Variants in NAV2 observed in about 807,000 individuals in gnomAD.
The protein encoded by NAV2 is helicase, APC down-regulated 1.
NAV2 carries 54 observed loss-of-function variants against 223.2 expected under a neutral mutation model. The ratio of observed to expected loss-of-function variants is 0.24; its 90% CI spans 0.19 to 0.30. NAV2 has a LOEUF of 0.30. NAV2 is among the 10% of genes least tolerant of loss of function. The pLI is 1.00. For missense variants in NAV2, 2,806 were observed against 3,147.5 expected (o/e 0.89, Z 2.60); for synonymous variants, 1,279 against 1,239.3 (o/e 1.03, Z -0.67).
intron 12 of NAV2, among the ~76,000 whole-genome samples, chr11:20,038,798 G>C (rs985981184): frequency 6.6e-6 from 1 of 152,182 alleles, no homozygotes; most frequent in Admixed American, 6.5e-5. Flanking sequence ...AGGACAGGTT[G>C]CCTGCCTAGG....
Position 20,118,300 on chromosome 11 carries a change from A to C in NAV2, c.*42A>C, listed in dbSNP as rs751484035. 9.3e-6 allele frequency: 15 copies of C among 1,606,164 alleles called. No homozygotes were observed. Among genetic ancestry groups the C allele is most frequent in the Non-Finnish European group, 1.7e-6 (2 of 1,176,814 alleles). On this transcript the variant is annotated 3_prime_UTR_variant, in exon 38 of 38. Coordinates refer to ENST00000349880, the MANE Select transcript of NAV2 (RefSeq NM_145117.5). ...AGCGCCCTCCTCTTCTCCTCACCGC[A>C]TTCCACCTGCATCCCCCACATCACC...
chr11:19,844,981 C>A (rs2060710974), intron 3 of NAV2, among the ~76,000 whole-genome samples: 1 of 152,138 alleles, frequency 6.6e-6, no homozygotes, highest in Non-Finnish European at 1.5e-5. Context: ...GTGAAAACTT[C>A]TGCCACAGTC....
chr11:19,945,971 C>A (rs1266921163), intron 8 of NAV2, among the ~76,000 whole-genome samples: 5 of 152,244 alleles, frequency 3.3e-5, no homozygotes, highest in Non-Finnish European at 7.3e-5. Context: ...CTACTGCAAG[C>A]TATGCTTGCA....
Position 19,637,239 on chromosome 11 carries a change from G to A in NAV2, c.76-195245G>A, listed in dbSNP as rs114687327. Among the ~76,000 whole-genome samples, 1,347 of 152,190 alleles carry A rather than the reference G, an allele frequency of 8.9e-3. 22 individuals carry two copies. The highest frequency in any genetic ancestry group is 0.03 in the African/African-American group (1,254 of 41,496). ...TGGCTGGTTTCTGTGACTAATACCT[G>A]GCCCATTGAGTTGAGATTTGGCCTC... On this transcript the variant is annotated intron_variant, in intron 1 of 37. Coordinates refer to the NAV2 transcript ENST00000360655.
At chr11:19,765,358 G>A (rs562345751) in intron 1 of NAV2, among the ~76,000 whole-genome samples, 1 of 142,674 alleles carries the variant, frequency 7.0e-6, no homozygotes, top group African/African-American at 2.7e-5. Context: ...TCCTCATCCT[G>A]TCCTCCTCAT....
chr11:19,577,477 C>T (rs1032937834), intron 1 of NAV2, among the ~76,000 whole-genome samples: 2 of 152,236 alleles, frequency 1.3e-5, no homozygotes, highest in South Asian at 2.1e-4. Flanking sequence ...TGGGCCCTGA[C>T]CCCGGCTCCT....
At chr11:19,715,240 T>C (rs982093925) in intron 1 of NAV2, among the ~76,000 whole-genome samples, 2 of 152,188 alleles carry the variant, frequency 1.3e-5, no homozygotes, top group Non-Finnish European at 2.9e-5. Context: ...GCTGCTGCAC[T>C]TGCTAAACAT....
chr11:19,921,719 T>C (rs1208182231), intron 6 of NAV2, among the ~76,000 whole-genome samples: 1 of 152,134 alleles, frequency 6.6e-6, no homozygotes, highest in African/African-American at 2.4e-5. Context: ...CTCTAATCTG[T>C]TCGATCTTGG....
intron 14 of NAV2, among the ~76,000 whole-genome samples, chr11:20,047,671 A>G (rs753735822): frequency 4.6e-5 from 7 of 152,214 alleles, no homozygotes; most frequent in Non-Finnish European, 8.8e-5. Flanking sequence ...ACCAGGCACA[A>G]AGTGTTTCCT....
chr11:19,427,852 T>C (rs1019827177), intron 1 of NAV2, among the ~76,000 whole-genome samples: 1 of 152,208 alleles, frequency 6.6e-6, no homozygotes, highest in African/African-American at 2.4e-5. Context: ...TGTTTCTTAT[T>C]GGGTTGTTGA....
intron 26 of NAV2, among the ~76,000 whole-genome samples, chr11:20,090,619 TAATC>T (rs2060775249): frequency 2.0e-5 from 3 of 152,058 alleles, no homozygotes; most frequent in Non-Finnish European, 4.4e-5. Flanking sequence ...CAGTAAATAA[TAATC>T]TAACTATATT....
At chr11:19,605,094 T>C (rs1164289595) in intron 1 of NAV2, among the ~76,000 whole-genome samples, 2 of 152,216 alleles carry the variant, frequency 1.3e-5, no homozygotes, top group African/African-American at 4.8e-5. Context: ...AGTTGGTGAA[T>C]TGCAGAGCTA....
intron 1 of NAV2, among the ~76,000 whole-genome samples, chr11:19,462,842 G>A (rs544642191): frequency 3.3e-5 from 5 of 152,308 alleles, no homozygotes; most frequent in East Asian, 3.9e-4. Context: ...GCGTGCTAGG[G>A]TTCAGAAAGA....
rs75016638 is a variant in NAV2 at position 19,892,347 on chromosome 11, G to C, written c.771-87G>C. 4.8e-4 allele frequency: 622 copies of C among 1,302,136 alleles called. 3 individuals are homozygous for C. The African/African-American group carries it at 8.2e-3, about 17-fold the overall frequency. The allele number at this position is 1,302,136 out of a possible 1,614,324, so 80.7% of individuals were successfully genotyped here. ...CACAATGTCTTGGATAGTTTCTTTT[G>C]CCTCCTGCATGGTTGCAGTTCCTTC... is the stretch of plus-strand genomic sequence containing the variant. On this transcript the variant is annotated intron_variant, in intron 5 of 37. Transcript: ENST00000349880.
intron 1 of NAV2, among the ~76,000 whole-genome samples, chr11:19,366,256 G>A (rs1848275590): frequency 2.0e-5 from 3 of 152,190 alleles, no homozygotes; most frequent in African/African-American, 7.2e-5. Context: ...AGAGCCCCAT[G>A]CTAGCCAGAG....
chr11:19,680,532 G>C (rs2048854151), intron 1 of NAV2, among the ~76,000 whole-genome samples: 1 of 152,200 alleles, frequency 6.6e-6, no homozygotes, highest in South Asian at 2.1e-4. Flanking sequence ...ACACAGGAGG[G>C]ATGCGGAACC....
chr11:19,959,644 G>T (rs7933871), intron 10 of NAV2, among the ~76,000 whole-genome samples: 3 of 151,956 alleles, frequency 2.0e-5, no homozygotes, highest in South Asian at 4.2e-4. Flanking sequence ...CAAATTCAGC[G>T]CATCGTGCAG....
At chr11:19,638,776 C>T (rs182147593) in intron 1 of NAV2, among the ~76,000 whole-genome samples, 3 of 152,098 alleles carry the variant, frequency 2.0e-5, no homozygotes, top group Non-Finnish European at 2.9e-5. Context: ...AGGCAGATCA[C>T]GAGGTCAGGA....
intron 3 of NAV2, among the ~76,000 whole-genome samples, chr11:19,845,034 TA>T (rs1203849961): frequency 6.6e-6 from 1 of 152,086 alleles, no homozygotes; most frequent in Non-Finnish European, 1.5e-5. Context: ...AGAAGGACAA[TA>T]GGATCATTGT....
Sources: allele counts gnomAD v4.1 joint callset (sites outside exome capture counted in the v4.1 genomes callset), GRCh38; gene constraint gnomAD v4.1.1; transcripts MANE v1.5; gene names NCBI Gene and HGNC (gene_info 2026-07-23, HGNC 2026-07-21).